TMEFF1: variants seen among roughly 807,000 people sequenced by gnomAD.
The protein encoded by TMEFF1 is tomoregulin-1.
TMEFF1 carries 20 observed loss-of-function variants against 47.5 expected under a neutral mutation model. The ratio of observed to expected loss-of-function variants is 0.42; its 90% CI spans 0.30 to 0.61. The LOEUF (loss-of-function observed/expected upper bound fraction) is 0.61. Ranked by LOEUF, TMEFF1 falls within the 20% of genes least tolerant of loss-of-function variation. TMEFF1 has a pLI of 0.19. For missense variants in TMEFF1, 411 were observed against 471.1 expected (o/e 0.87, Z 1.18); for synonymous variants, 162 against 166.3 (o/e 0.97, Z 0.20).
At chr9:100,544,381 G>A (rs865980969) in intron 5 of TMEFF1, among the ~76,000 whole-genome samples, 4 of 152,136 alleles carry the variant, frequency 2.6e-5, no homozygotes, top group African/African-American at 4.8e-5. Flanking sequence ...CATGGATGGC[G>A]GCAGGCAAAG....
intron 1 of TMEFF1, among the ~76,000 whole-genome samples, chr9:100,478,703 G>A (rs1239279335): frequency 6.6e-6 from 1 of 151,202 alleles, no homozygotes; most frequent in African/African-American, 2.4e-5. Flanking sequence ...AAAAAGCTTG[G>A]AAATACATGA....
chr9:100,473,632 T>A lies in TMEFF1; in HGVS notation c.88T>A (p.Phe30Ile). The A allele has an allele frequency of 8.3e-6, 13 of 1,558,454 alleles. No individual in the cohort carries two copies. Among genetic ancestry groups the A allele is most frequent in the Non-Finnish European group, 1.1e-5 (13 of 1,152,328 alleles). Residue 30 changes from phenylalanine (F) to isoleucine (I), a missense_variant, in exon 1 of 10, where the codon TTC becomes ATC. Phe to Ile is a conservative substitution (Grantham distance 21, BLOSUM62 0). Transcript: ENST00000374879. The surrounding 1 kb of genome is among the most constrained non-coding windows in gnomAD (Gnocchi z 5.4). ...FCCYTSVLLLFAFSLPGSRAS... is the reference protein window; with the variant it reads ...FCCYTSVLLLIAFSLPGSRAS... ...CTGCTACACGTCGGTGCTTCTGCTC[T>A]TCGCCTTCTCTCTGCCCGGGAGCCG...
At chr9:100,516,339 TG>T (rs1838072951) in intron 4 of TMEFF1, among the ~76,000 whole-genome samples, 1 of 152,192 alleles carries the variant, frequency 6.6e-6, no homozygotes, top group Non-Finnish European at 1.5e-5. Flanking sequence ...AGGACTTAAA[TG>T]TATTGCTCCT....
At chr9:100,542,649 G>A (rs866049100) in intron 5 of TMEFF1, among the ~76,000 whole-genome samples, 10 of 152,036 alleles carry the variant, frequency 6.6e-5, no homozygotes, top group South Asian at 2.1e-4. Flanking sequence ...TTCTTACTTC[G>A]CTGAAGGTAA....
At chr9:100,524,176 A>G (rs551287847) in intron 5 of TMEFF1, among the ~76,000 whole-genome samples, 1 of 152,274 alleles carries the variant, frequency 6.6e-6, no homozygotes, top group Non-Finnish European at 1.5e-5. Context: ...ATGGCATCAC[A>G]CTATACCCGT....
At chr9:100,572,311 T>C (rs2118581684) in intron 8 of TMEFF1, among the ~76,000 whole-genome samples, 1 of 152,254 alleles carries the variant, frequency 6.6e-6, no homozygotes, top group South Asian at 2.1e-4. Flanking sequence ...TAATGTGATA[T>C]AACTTAGGTG....
intron 2 of TMEFF1, among the ~76,000 whole-genome samples, chr9:100,506,461 G>A (rs1175774556): frequency 3.3e-5 from 5 of 151,538 alleles, no homozygotes; most frequent in African/African-American, 7.3e-5. Context: ...TACATAATAC[G>A]TTTAAAAATA....
intron 3 of TMEFF1, among the ~76,000 whole-genome samples, 185 bp downstream of exon 3, chr9:100,509,319 G>T (rs73495711): frequency 0.019 from 2,964 of 152,192 alleles, 101 homozygotes; most frequent in African/African-American, 0.068. Flanking sequence ...AGGTGGTCTT[G>T]TATAGACTTA....
At chr9:100,564,021 C>G (rs1839072159) in intron 8 of TMEFF1, among the ~76,000 whole-genome samples, 1 of 152,100 alleles carries the variant, frequency 6.6e-6, no homozygotes, top group Non-Finnish European at 1.5e-5. Context: ...CAGCCTTTAG[C>G]CACAGTCCTA....
intron 1 of TMEFF1, among the ~76,000 whole-genome samples, chr9:100,489,133 T>A (rs1429103376): frequency 6.6e-6 from 1 of 152,224 alleles, no homozygotes; most frequent in Non-Finnish European, 1.5e-5. Context: ...TTATTTATTT[T>A]GGATATTTCA....
intron 5 of TMEFF1, chr9:100,518,463 G>C: frequency 2.0e-6 from 2 of 985,366 alleles, no homozygotes; most frequent in Non-Finnish European, 2.4e-6. Context: ...ACCATGGAAG[G>C]GCTTACCAAT....
At chr9:100,555,666 A>G (rs1838902652) in intron 7 of TMEFF1, among the ~76,000 whole-genome samples, 1 of 152,166 alleles carries the variant, frequency 6.6e-6, no homozygotes, top group Non-Finnish European at 1.5e-5. Flanking sequence ...CAGTGTTATT[A>G]TGGTTATTTT....
intron 5 of TMEFF1, among the ~76,000 whole-genome samples, chr9:100,522,964 T>G (rs966077173): frequency 6.6e-6 from 1 of 152,174 alleles, no homozygotes; most frequent in Non-Finnish European, 1.5e-5. Context: ...GGTCTTGATC[T>G]CCTGACTTAG....
chr9:100,488,602 A>G (rs1250465121), intron 1 of TMEFF1, among the ~76,000 whole-genome samples: 1 of 152,226 alleles, frequency 6.6e-6, no homozygotes, highest in African/African-American at 2.4e-5. Flanking sequence ...TTAATAGAGT[A>G]CTTATTATGT....
At chr9:100,533,523 A>G (rs1021422640) in intron 5 of TMEFF1, among the ~76,000 whole-genome samples, 1 of 152,074 alleles carries the variant, frequency 6.6e-6, no homozygotes, top group Admixed American at 6.6e-5. Flanking sequence ...CTCAGGAAAA[A>G]GCCTGCAGAA....
chr9:100,473,565 G>A lies in TMEFF1; in HGVS notation c.21G>A (p.Glu7=). 6.5e-7 allele frequency: 1 copy of A among 1,538,030 alleles called. No homozygotes were observed. Among genetic ancestry groups the A allele is most frequent in the Non-Finnish European group, 8.7e-7 (1 of 1,144,598 alleles). ...CAGTCATGGGCGCCGCAGCCGCTGAGGCGCCGCTCCGGCTGCCTGCCGCGC... is the reference window on the plus strand; with the variant it reads ...CAGTCATGGGCGCCGCAGCCGCTGAAGCGCCGCTCCGGCTGCCTGCCGCGC... MGAAAA[E]APLRLPAAPP... Residue 7 remains glutamate, a synonymous_variant, in exon 1 of 10, where the codon GAG becomes GAA. Coordinates refer to ENST00000374879, the MANE Select transcript of TMEFF1 (RefSeq NM_003692.5). The surrounding 1 kb of genome is among the most constrained non-coding windows in gnomAD (Gnocchi z 5.4).
chr9:100,474,802 C>A (rs1032534504), intron 1 of TMEFF1, among the ~76,000 whole-genome samples: 2 of 152,090 alleles, frequency 1.3e-5, no homozygotes, highest in Non-Finnish European at 2.9e-5. Flanking sequence ...GCTTGCCCCC[C>A]CACAGCTGTT....
chr9:100,511,907 G>C (rs976777356), intron 3 of TMEFF1, among the ~76,000 whole-genome samples: 1 of 152,136 alleles, frequency 6.6e-6, no homozygotes, highest in African/African-American at 2.4e-5. Flanking sequence ...CTTGTTATCA[G>C]AGTAGCCACA....
At chr9:100,562,411 G>C (rs1463852276) in intron 8 of TMEFF1, among the ~76,000 whole-genome samples, 2 of 151,716 alleles carry the variant, frequency 1.3e-5, no homozygotes, top group Non-Finnish European at 2.9e-5. Flanking sequence ...TTAGCTCCCT[G>C]CTCCTGATTT....
Sources: gnomAD v4.1 joint callset for allele counts (sites outside exome capture counted in the v4.1 genomes callset) on GRCh38, gnomAD v4.1.1 for gene constraint, Gnocchi (gnomAD v3.1) non-coding constraint, MANE v1.5 for transcripts, NCBI Gene and HGNC (gene_info 2026-07-23, HGNC 2026-07-21) for gene names.